The following IL1RAP variants were observed in gnomAD, a reference collection of about 807,000 sequenced individuals.
IL1RAP encodes the protein interleukin-1 receptor accessory protein.
IL1RAP carries 35 observed loss-of-function variants against 60.7 expected under a neutral mutation model. The ratio of observed to expected loss-of-function variants is 0.58; its 90% CI spans 0.44 to 0.76. The LOEUF (loss-of-function observed/expected upper bound fraction) is 0.76, where lower values mean the gene tolerates loss of function less well. Ranked by LOEUF, IL1RAP falls within the 30% of genes least tolerant of loss-of-function variation. The pLI is 0.00. For missense variants in IL1RAP, 572 were observed against 693.9 expected, an observed-to-expected ratio of 0.82 and a Z score of 1.97; for synonymous variants, 268 against 250.9, an observed-to-expected ratio of 1.07 and a Z score of -0.64.
At chr3:190,630,754 C>G (rs774766271) in intron 9 of IL1RAP, among the ~76,000 whole-genome samples, 5 of 152,150 alleles carry the variant, frequency 3.3e-5, no homozygotes, top group Non-Finnish European at 7.3e-5. Flanking sequence ...CAGTATTGTC[C>G]TGCAATGCAT....
intron 1 of IL1RAP, among the ~76,000 whole-genome samples, chr3:190,554,060 CAAAAAAAAAAAAAAAAAA>C (rs1166716731): frequency 1.1e-5 from 1 of 87,910 alleles, no homozygotes; most frequent in African/African-American, 5.1e-5. Context: ...GACTCCGTCT[CAAAAAAAAAAAAAAAAAA>C]AAAAAAAAAA....
intron 1 of IL1RAP, among the ~76,000 whole-genome samples, chr3:190,531,241 A>G (rs1722959514): frequency 6.6e-6 from 1 of 152,104 alleles, no homozygotes; most frequent in African/African-American, 2.4e-5. Context: ...ACAGAGCAAG[A>G]ACCTGTCTGT....
Position 190,622,421 on chromosome 3 carries a change from G to A in IL1RAP, c.704-923G>A, listed in dbSNP as rs148636914. Among the ~76,000 whole-genome samples the A allele has an allele frequency of 8.5e-5, 13 of 152,204 alleles. No homozygotes were observed. The East Asian group carries it at 1.5e-3, about 18-fold the overall frequency. ...TTCAATTTGACACCAGTTATCCAGA[G>A]TTAGCACTGACCCCACAGGTGAAGG... On this transcript the variant is annotated intron_variant, in intron 6 of 11. Coordinates refer to ENST00000447382, the MANE Select transcript of IL1RAP (RefSeq NM_002182.4).
chr3:190,534,495 C>A (rs1399661176), intron 1 of IL1RAP, among the ~76,000 whole-genome samples: 1 of 152,102 alleles, frequency 6.6e-6, no homozygotes, highest in East Asian at 1.9e-4. Context: ...GCCTATAGGA[C>A]CTTGGGCCGA....
chr3:190,564,342 G>T lies in IL1RAP; in HGVS notation c.53G>T (p.Ser18Ile). Residue 18 changes from serine to isoleucine, a missense_variant, in exon 3 of 12, where the codon AGT becomes ATT. Ser to Ile is a moderately radical substitution (Grantham distance 142, BLOSUM62 -2). Coordinates refer to ENST00000447382, the MANE Select transcript of IL1RAP (RefSeq NM_002182.4). ...CTCTACTTTTATGGAATCCTGCAAA[G>T]TGATGCCTCAGGTAAGTGAATGGCT... Reference protein sequence around the residue: ...VSLYFYGILQSDASERCDDWG... With the variant: ...VSLYFYGILQIDASERCDDWG... 1 of 1,610,110 alleles carries T rather than the reference G, an allele frequency of 6.2e-7. No homozygotes were observed. The highest frequency in any genetic ancestry group is 8.5e-7 in the Non-Finnish European group (1 of 1,176,506).
chr3:190,623,680 T>C (rs535994733), intron 7 of IL1RAP, among the ~76,000 whole-genome samples: 1 of 152,348 alleles, frequency 6.6e-6, no homozygotes, highest in East Asian at 1.9e-4. Flanking sequence ...GATTTCTGTT[T>C]GATGCAAACT....
At chr3:190,531,631 T>G (rs61410416) in intron 1 of IL1RAP, among the ~76,000 whole-genome samples, 298 of 152,290 alleles carry the variant, frequency 2.0e-3, no homozygotes, top group African/African-American at 6.8e-3. Flanking sequence ...CTGAACTTAC[T>G]CACTTGTCTT....
At position 190,629,685 on chromosome 3, in the gene IL1RAP, G is replaced by A. The variant is rs1732614103; in HGVS notation, c.1051+187G>A. ...ATCTATGTAAGATACTCAAAATATT[G>A]TTTCTGATATTGTTAGTACCGTAAT... is the stretch of plus-strand genomic sequence containing the variant. On this transcript the variant is annotated intron_variant, in intron 9 of 11. Transcript: ENST00000447382. The A allele has an allele frequency of 4.6e-6, 6 of 1,314,824 alleles. No homozygotes were observed. The South Asian group carries it at 1.2e-4, about 27-fold the overall frequency. The allele number at this position is 1,314,824 out of a possible 1,614,324, so 81.4% of individuals were successfully genotyped here. A position where few individuals can be genotyped will look rare whatever the true frequency, so the allele number is the denominator to read the frequency against.
At chr3:190,578,098 C>A (rs4263268) in intron 3 of IL1RAP, among the ~76,000 whole-genome samples, 32,910 of 151,968 alleles carry the variant, frequency 0.22, 3,761 homozygotes, top group South Asian at 0.33. Context: ...AACTACCTAT[C>A]GGGTATCTAT....
chr3:190,595,634 A>G (rs1729313259), intron 3 of IL1RAP, among the ~76,000 whole-genome samples: 3 of 152,190 alleles, frequency 2.0e-5, no homozygotes, highest in Admixed American at 2.0e-4. Flanking sequence ...AGATAGGACT[A>G]CTAGCACACG....
At position 190,651,136 on chromosome 3, in the gene IL1RAP, T is replaced by G. The variant is rs1400542080; in HGVS notation, c.*2431T>G. 1.0e-5 allele frequency: 10 copies of G among 984,614 alleles called. No individual in the cohort carries two copies. Among genetic ancestry groups the G allele is most frequent in the Non-Finnish European group, 1.1e-5 (9 of 829,382 alleles). 61.0% of individuals were successfully genotyped at this position (984,614 alleles called of 1,614,324 possible). On this transcript the variant is annotated 3_prime_UTR_variant, in exon 12 of 12. Transcript: ENST00000447382. The stretch of plus-strand genomic sequence containing the variant: ...TTCAAGGGAAATGGGGAAACATAAT[T>G]TAGAGAACAAGAACAAACCATGTCT...
At chr3:190,526,566 T>C (rs1003932655) in intron 1 of IL1RAP, among the ~76,000 whole-genome samples, 6 of 152,218 alleles carry the variant, frequency 3.9e-5, no homozygotes, top group Admixed American at 3.9e-4. Context: ...AGGTACTCAC[T>C]ACCTCTGTGA....
In IL1RAP at chr3:190,649,192, T is replaced by C; in HGVS notation, c.*487T>C. 2.0e-6 allele frequency: 2 copies of C among 987,382 alleles called. No individual in the cohort carries two copies. Among genetic ancestry groups the C allele is most frequent in the Non-Finnish European group, 2.4e-6 (2 of 831,306 alleles). 61.2% of individuals were successfully genotyped at this position (987,382 alleles called of 1,614,324 possible). A position where few individuals can be genotyped will look rare whatever the true frequency, so the allele number is the denominator to read the frequency against. On this transcript the variant is annotated 3_prime_UTR_variant, in exon 12 of 12. Transcript: ENST00000447382. The stretch of plus-strand genomic sequence containing the variant: ...AGCTGAGGATAATGAACTTTTTTCC[T>C]CATTCGGCTGTATAATACATAACCA...
intron 7 of IL1RAP, among the ~76,000 whole-genome samples, chr3:190,626,599 G>A (rs1169864801): frequency 6.6e-6 from 1 of 151,200 alleles, no homozygotes; most frequent in Non-Finnish European, 1.5e-5. Flanking sequence ...CCCTTCTTGA[G>A]GAAAATAACA....
At chr3:190,582,321 T>C (rs1319404233) in intron 3 of IL1RAP, among the ~76,000 whole-genome samples, 2 of 151,918 alleles carry the variant, frequency 1.3e-5, no homozygotes, top group African/African-American at 4.8e-5. Flanking sequence ...TCTTTTCTTT[T>C]TTTTTTTTTT....
At chr3:190,600,411 CTT>C (rs1429261041) in intron 3 of IL1RAP, among the ~76,000 whole-genome samples, 1 of 152,158 alleles carries the variant, frequency 6.6e-6, no homozygotes, top group African/African-American at 2.4e-5. Context: ...TGTCTTCTTT[CTT>C]TTACCATTCT....
intron 9 of IL1RAP, among the ~76,000 whole-genome samples, chr3:190,643,282 A>G (rs9868370): frequency 0.016 from 2,420 of 152,312 alleles, 63 homozygotes; most frequent in African/African-American, 0.056. Context: ...TCGAGCATAG[A>G]CTTGGAAACT....
chr3:190,539,766 C>T (rs1723770229), intron 1 of IL1RAP, among the ~76,000 whole-genome samples: 1 of 150,440 alleles, frequency 6.6e-6, no homozygotes, highest in East Asian at 1.9e-4. Context: ...TAAAAAATAA[C>T]CTAACAGGTG....
At chr3:190,563,531 A>C (rs2108625541) in intron 2 of IL1RAP, 1 of 152,284 alleles carries the variant, frequency 6.6e-6, no homozygotes, top group Admixed American at 6.5e-5. Flanking sequence ...ATGCAACCAA[A>C]TGTAAGGGTA....
Sources: gnomAD v4.1 joint callset for allele counts (sites outside exome capture counted in the v4.1 genomes callset) on GRCh38, gnomAD v4.1.1 for gene constraint, MANE v1.5 for transcripts, NCBI Gene and HGNC (gene_info 2026-07-23, HGNC 2026-07-21) for gene names.